TMEM169: variants seen among roughly 807,000 people sequenced by gnomAD.
The protein encoded by TMEM169 is transmembrane protein 169.
In TMEM169, 18 loss-of-function variants were observed where a neutral mutation model predicts 27.3. The ratio of observed to expected loss-of-function variants is 0.66; its 90% CI spans 0.46 to 0.98. TMEM169 has a LOEUF of 0.98. TMEM169 is among the 50% of genes least tolerant of loss of function. TMEM169 has a pLI of 0.00. For synonymous variants in TMEM169, 136 were observed against 142.1 expected, an observed-to-expected ratio of 0.96 and a Z score of 0.30; for missense variants, 320 against 368.6, an observed-to-expected ratio of 0.87 and a Z score of 1.08.
intron 1 of TMEM169, among the ~76,000 whole-genome samples, chr2:216,092,266 T>G (rs947238246): frequency 6.6e-6 from 1 of 152,206 alleles, no homozygotes; most frequent in African/African-American, 2.4e-5. Context: ...GTCCCTGGGC[T>G]CAGGAAGCTC....
At chr2:216,084,222 G>A (rs1401326335) in intron 1 of TMEM169, among the ~76,000 whole-genome samples, 1 of 143,390 alleles carries the variant, frequency 7.0e-6, no homozygotes, top group Non-Finnish European at 1.5e-5. Flanking sequence ...CTGCAAAGCA[G>A]CTGCTAGCTC....
rs1314422302 is a variant in TMEM169, at chr2:216,102,307, C to T, written c.*1765C>T. 1 of 151,962 alleles carries T rather than the reference C, an allele frequency of 6.6e-6. No individual in the cohort carries two copies. The highest frequency in any genetic ancestry group is 1.5e-5 in the Non-Finnish European group (1 of 68,016). The allele number at this position is 151,962 out of a possible 1,614,324, so 9.4% of individuals were successfully genotyped here. On this transcript the variant is annotated 3_prime_UTR_variant, in exon 3 of 3. Coordinates refer to ENST00000437356, the MANE Select transcript of TMEM169 (RefSeq NM_001142311.2). ...ACATGATCTTTGCTGTGCTGAGAAA[C>T]TTGTGTCTACCTGGCCTGTAGGGAG...
chr2:216,086,631 T>A (rs980812592), intron 1 of TMEM169, among the ~76,000 whole-genome samples: 1 of 152,224 alleles, frequency 6.6e-6, no homozygotes, highest in Non-Finnish European at 1.5e-5. Context: ...GTTGTTTATG[T>A]CATATTTCTG....
Position 216,099,776 on chromosome 2 carries a change from C to T in TMEM169, c.272-144C>T, listed in dbSNP as rs960723904. 1.9e-5 allele frequency: 21 copies of T among 1,119,206 alleles called. No homozygotes were observed. The highest frequency in any genetic ancestry group is 4.8e-5 in the East Asian group (2 of 42,100). 69.3% of individuals were successfully genotyped at this position (1,119,206 alleles called of 1,614,324 possible). ...TCTCCCGAGGGAGACCCACTCAGTC[C>T]GCCATTGAATCACTGACTCAGGACT... is the stretch of plus-strand genomic sequence containing the variant. On this transcript the variant is annotated intron_variant, in intron 2 of 2. Coordinates refer to ENST00000437356, the MANE Select transcript of TMEM169 (RefSeq NM_001142311.2). The surrounding 1 kb of genome is among the most constrained non-coding windows in gnomAD (Gnocchi z 5.0).
chr2:216,083,386 T>C (rs1021002237), intron 1 of TMEM169, among the ~76,000 whole-genome samples: 4 of 152,208 alleles, frequency 2.6e-5, no homozygotes, highest in Non-Finnish European at 5.9e-5. Flanking sequence ...AAAAGAAATA[T>C]TGATTCAGTT....
At chr2:216,087,733 A>G (rs1696038635) in intron 1 of TMEM169, among the ~76,000 whole-genome samples, 1 of 152,232 alleles carries the variant, frequency 6.6e-6, no homozygotes. Flanking sequence ...TTTGCTGTGA[A>G]TATTGAACAA....
rs995409814 is a variant in TMEM169 at position 216,090,341 on chromosome 2, C to T, written c.-126-5497C>T. 4.5e-4 allele frequency among the ~76,000 whole-genome samples: 68 copies of T among 152,292 alleles called. 1 individual carries two copies. The highest frequency in any genetic ancestry group is 1.5e-3 in the African/African-American group (62 of 41,562). On this transcript the variant is annotated intron_variant, in intron 1 of 2. Transcript: ENST00000437356. ...GGTGGTCAAAGAAAATACCTGTTTT[C>T]AGACCACTCATGCTGGGGAAGGCCA...
intron 1 of TMEM169, 41 bp downstream of exon 1, chr2:216,082,020 G>A (rs1695869994): frequency 2.2e-6 from 1 of 453,600 alleles, no homozygotes; most frequent in African/African-American, 2.1e-5. Context: ...CGATGCCATT[G>A]GGGAGGGTGG....
intron 1 of TMEM169, among the ~76,000 whole-genome samples, chr2:216,090,093 T>A (rs545595612): frequency 6.6e-6 from 1 of 152,146 alleles, no homozygotes; most frequent in Non-Finnish European, 1.5e-5. Flanking sequence ...GATTGCAGGA[T>A]GAACTGGATA....
At chr2:216,083,290 T>A (rs1402509119) in intron 1 of TMEM169, among the ~76,000 whole-genome samples, 1 of 152,160 alleles carries the variant, frequency 6.6e-6, no homozygotes, top group Non-Finnish European at 1.5e-5. Context: ...ACAAAGTAAA[T>A]TCAAACAGGA....
intron 2 of TMEM169, among the ~76,000 whole-genome samples, chr2:216,098,907 A>AGTGTGGTATGTATGGGTATGTGGT (rs1696322524): frequency 6.7e-6 from 1 of 149,220 alleles, no homozygotes; most frequent in South Asian, 2.1e-4. Flanking sequence ...TGGTATGTGT[A>AGTGTGGTATGTATGGGTATGTGGT]GTGTGGTATG....
Position 216,085,864 on chromosome 2 carries a change from T to G in TMEM169, c.-127+3885T>G, listed in dbSNP as rs1468933697. On this transcript the variant is annotated intron_variant, in intron 1 of 2. Transcript: ENST00000437356. ...CCAGCCAAGGCAACAAGAGTGAAAC[T>G]CCATCTCAAAAAAAAAAAACAAAAA... Among the ~76,000 whole-genome samples, 10 of 140,208 alleles carry G rather than the reference T, an allele frequency of 7.1e-5. No homozygotes were observed. The Admixed American group carries it at 7.7e-4, about 11-fold the overall frequency. The allele number at this position is 140,208 out of a possible 152,430, so 92.0% of individuals were successfully genotyped here.
At chr2:216,082,968 G>T in intron 1 of TMEM169, 1 of 152,338 alleles carries the variant, frequency 6.6e-6, no homozygotes. Context: ...AAATGGGTCT[G>T]GTTGACAGAG....
At chr2:216,094,524 A>T (rs1209252648) in intron 1 of TMEM169, among the ~76,000 whole-genome samples, 1 of 152,186 alleles carries the variant, frequency 6.6e-6, no homozygotes, top group Admixed American at 6.5e-5. Context: ...TAACTTCACA[A>T]AAAGAGTCAA....
At chr2:216,096,613 C>A (rs528455228) in intron 2 of TMEM169, among the ~76,000 whole-genome samples, 1 of 152,326 alleles carries the variant, frequency 6.6e-6, no homozygotes, top group Non-Finnish European at 1.5e-5. Flanking sequence ...GATCCACCTG[C>A]CTCAGCCTCC....
At chr2:216,089,807 T>C (rs1233408294) in intron 1 of TMEM169, among the ~76,000 whole-genome samples, 2 of 152,204 alleles carry the variant, frequency 1.3e-5, no homozygotes, top group Admixed American at 6.5e-5. Flanking sequence ...GTTATGCAAG[T>C]ATAGAATTAA....
Position 216,095,957 on chromosome 2 carries a change from G to A in TMEM169, c.-7G>A, listed in dbSNP as rs766479263. The A allele has an allele frequency of 2.5e-6, 4 of 1,611,646 alleles. No homozygotes were observed. The East Asian group carries it at 6.7e-5, about 27-fold the overall frequency. On this transcript the variant is annotated 5_prime_UTR_variant, in exon 2 of 3. Coordinates refer to ENST00000437356, the MANE Select transcript of TMEM169 (RefSeq NM_001142311.2). ...TTTATAAGACATAGGTAGACGTCAG[G>A]TCTGGAATGGAAGAGCCAACAGCAG...
Position 216,100,693 on chromosome 2 carries a change from T to C in TMEM169, c.*151T>C. On this transcript the variant is annotated 3_prime_UTR_variant, in exon 3 of 3. Transcript: ENST00000437356. ...TGATCAGTTTTACCATCTTGAGGGT[T>C]CCAGGAGGGCATGGAGCAGACAAGC... is the stretch of plus-strand genomic sequence containing the variant. 1 of 1,075,868 alleles carries C rather than the reference T, an allele frequency of 9.3e-7. No homozygotes were observed. The highest frequency in any genetic ancestry group is 1.3e-6 in the Non-Finnish European group (1 of 759,144). The allele number at this position is 1,075,868 out of a possible 1,614,324, so 66.6% of individuals were successfully genotyped here. A position where few individuals can be genotyped will look rare whatever the true frequency, so the allele number is the denominator to read the frequency against.
intron 1 of TMEM169, among the ~76,000 whole-genome samples, chr2:216,093,791 A>G (rs1315242668): frequency 1.8e-5 from 2 of 111,880 alleles, no homozygotes; most frequent in South Asian, 2.6e-4. Flanking sequence ...TTTTAGAAAC[A>G]TTGAAATGAG....
Sources: gnomAD v4.1 joint callset for allele counts (sites outside exome capture counted in the v4.1 genomes callset) on GRCh38, gnomAD v4.1.1 for gene constraint, Gnocchi (gnomAD v3.1) non-coding constraint, MANE v1.5 for transcripts, NCBI Gene and HGNC (gene_info 2026-07-23, HGNC 2026-07-21) for gene names.